Variants in CNOT7 observed in about 807,000 individuals in gnomAD.
CNOT7 encodes CCR4-NOT transcription complex subunit 7.
A neutral mutation model predicts 37.1 loss-of-function variants in CNOT7; 4 were observed. The ratio of observed to expected loss-of-function variants is 0.11; its 90% CI spans 0.05 to 0.25. The LOEUF is 0.25. CNOT7 is among the 10% of genes least tolerant of loss of function. The pLI, the probability that CNOT7 is intolerant of heterozygous loss-of-function variation, is 1.00. For synonymous variants in CNOT7, 128 were observed against 115.6 expected, an observed-to-expected ratio of 1.11 and a Z score of -0.69; for missense variants, 170 against 336.2, an observed-to-expected ratio of 0.51 and a Z score of 3.87.
chr8:17,243,243 AT>A, intron 2 of CNOT7, 58 bp from the exon 3 acceptor site: 2 of 1,347,236 alleles, frequency 1.5e-6, no homozygotes, highest in Non-Finnish European at 2.0e-6. Flanking sequence ...CAATCCACAC[AT>A]TTTTAATTTT....
chr8:17,231,562 A>T, intron 6 of CNOT7: 1 of 985,304 alleles, frequency 1.0e-6, no homozygotes, highest in Non-Finnish European at 1.2e-6. Flanking sequence ...ATTGCTACAA[A>T]AAGTTTTAAA....
chr8:17,227,768 A>G lies in CNOT7; in HGVS notation c.*2952T>C, dbSNP rs1808258012. ...TGCATTATAAACACAATGTACCAGCATATAATAAAATAGTCCATATTCCAA... is the reference window on the plus strand; with the variant it reads ...TGCATTATAAACACAATGTACCAGCGTATAATAAAATAGTCCATATTCCAA... On this transcript the variant is annotated 3_prime_UTR_variant, in exon 7 of 7. Transcript: ENST00000361272. The G allele has an allele frequency of 6.6e-6, 1 of 151,906 alleles. No individual in the cohort carries two copies. Among genetic ancestry groups the G allele is most frequent in the Non-Finnish European group, 1.5e-5 (1 of 67,808 alleles). The allele number at this position is 151,906 out of a possible 1,614,324, so 9.4% of individuals were successfully genotyped here.
Position 17,245,209 on chromosome 8 carries a change from G to T in CNOT7, c.-57C>A. On this transcript the variant is annotated 5_prime_UTR_variant, in exon 2 of 7. Transcript: ENST00000361272. Reference sequence around the variant, plus strand: ...CATCAAAATGTTATACTTGATTGAAGATTTGTTTCATAAAATATTTTATCC... The same window carrying T: ...CATCAAAATGTTATACTTGATTGAATATTTGTTTCATAAAATATTTTATCC... 1.3e-6 allele frequency: 2 copies of T among 1,514,482 alleles called. No homozygotes were observed. Among genetic ancestry groups the T allele is most frequent in the South Asian group, 1.3e-5 (1 of 79,140 alleles). 93.8% of individuals were successfully genotyped at this position (1,514,482 alleles called of 1,614,324 possible). A position where few individuals can be genotyped will look rare whatever the true frequency, so the allele number is the denominator to read the frequency against.
Position 17,226,978 on chromosome 8 carries a change from C to T in CNOT7, c.*3742G>A, listed in dbSNP as rs926136912. On this transcript the variant is annotated 3_prime_UTR_variant, in exon 7 of 7. Coordinates refer to ENST00000361272, the MANE Select transcript of CNOT7 (RefSeq NM_013354.7). Reference sequence around the variant, plus strand: ...GCTAAGCCATTGAACGCCTGTGTGGCAAATCAAATCAGGATATTCAGCTTC... The same window carrying T: ...GCTAAGCCATTGAACGCCTGTGTGGTAAATCAAATCAGGATATTCAGCTTC... 2 of 147,244 alleles carry T rather than the reference C, an allele frequency of 1.4e-5. No individual in the cohort carries two copies. Among genetic ancestry groups the T allele is most frequent in the Non-Finnish European group, 3.0e-5 (2 of 66,486 alleles). 9.1% of individuals were successfully genotyped at this position (147,244 alleles called of 1,614,324 possible).
At position 17,246,830 on chromosome 8, in the gene CNOT7, C is replaced by T. The variant is rs906092560; in HGVS notation, c.-251G>A. ...GGAAAGGCGAGCAGGAGCTGCGCCG[C>T]ACCGTGCTGCGCCGTCGCTTTTCGC... On this transcript the variant is annotated 5_prime_UTR_variant, in exon 1 of 7. Transcript: ENST00000361272. The T allele has an allele frequency of 3.9e-6, 1 of 258,822 alleles. No individual in the cohort carries two copies. The highest frequency in any genetic ancestry group is 2.4e-5 in the African/African-American group (1 of 42,244). 16.0% of individuals were successfully genotyped at this position (258,822 alleles called of 1,614,324 possible).
Position 17,230,320 on chromosome 8 carries a change from T to A in CNOT7, c.*400A>T, listed in dbSNP as rs1256251402. On this transcript the variant is annotated 3_prime_UTR_variant, in exon 7 of 7. Transcript: ENST00000361272. ...AAAACTGATGGTCCACGATCTCAAATAGCTAAAACTCCTGCAGAATGGAAG... is the reference window on the plus strand; with the variant it reads ...AAAACTGATGGTCCACGATCTCAAAAAGCTAAAACTCCTGCAGAATGGAAG... 6.5e-6 allele frequency: 1 copy of A among 153,276 alleles called. No homozygotes were observed. The highest frequency in any genetic ancestry group is 2.4e-5 in the African/African-American group (1 of 41,406). The allele number at this position is 153,276 out of a possible 1,614,324, so 9.5% of individuals were successfully genotyped here.
rs748674814 is a variant in CNOT7 at position 17,227,337 on chromosome 8, C to T, written c.*3383G>A. 3 of 151,802 alleles carry T rather than the reference C, an allele frequency of 2.0e-5. No individual in the cohort carries two copies. Among genetic ancestry groups the T allele is most frequent in the Non-Finnish European group, 4.4e-5 (3 of 67,778 alleles). The allele number at this position is 151,802 out of a possible 1,614,324, so 9.4% of individuals were successfully genotyped here. On this transcript the variant is annotated 3_prime_UTR_variant, in exon 7 of 7. Coordinates refer to ENST00000361272, the MANE Select transcript of CNOT7 (RefSeq NM_013354.7). ...TACAAATTCTTCGATCACTTCAAATCCAGCAATGGTTTCTCAAAAAATAAA... is the reference window on the plus strand; with the variant it reads ...TACAAATTCTTCGATCACTTCAAATTCAGCAATGGTTTCTCAAAAAATAAA...
intron 2 of CNOT7, chr8:17,244,353 T>C (rs1369338713): frequency 6.6e-6 from 1 of 152,238 alleles, no homozygotes; most frequent in Non-Finnish European, 1.5e-5. Flanking sequence ...CAACAACGTT[T>C]CACTGGCACA....
In CNOT7 at chr8:17,241,058, C is replaced by T. The variant is rs192648876; in HGVS notation, c.311+1934G>A. On this transcript the variant is annotated intron_variant, in intron 3 of 6. Transcript: ENST00000361272. The stretch of plus-strand genomic sequence containing the variant: ...ACTTTACAAGGTTCTGTAGACTGTG[C>T]GTGTGTGTATAGATACAGGTATTTT... 2.7e-3 allele frequency among the ~76,000 whole-genome samples: 409 copies of T among 152,240 alleles called. 3 individuals carry two copies. The highest frequency in any genetic ancestry group is 9.6e-3 in the African/African-American group (398 of 41,554).
rs763271326 is a variant in CNOT7, at chr8:17,225,057, A to C, written c.*5663T>G. ...ACAGTATTAATTTTTTAGAAAAACA[A>C]AACAGGTATATGGCATGAGTGAAAC... On this transcript the variant is annotated 3_prime_UTR_variant, in exon 7 of 7. Transcript: ENST00000361272. 2.0e-5 allele frequency: 3 copies of C among 151,734 alleles called. No individual in the cohort carries two copies. The highest frequency in any genetic ancestry group is 4.8e-5 in the African/African-American group (2 of 41,418). 9.4% of individuals were successfully genotyped at this position (151,734 alleles called of 1,614,324 possible).
intron 6 of CNOT7, chr8:17,231,937 T>C (rs562057647): frequency 3.0e-6 from 3 of 987,360 alleles, no homozygotes; most frequent in East Asian, 2.3e-4. Context: ...GCCTGAGTTC[T>C]TCTCTATAAA....
At chr8:17,238,241 A>G (rs750091582) in intron 3 of CNOT7, among the ~76,000 whole-genome samples, 1 of 152,220 alleles carries the variant, frequency 6.6e-6, no homozygotes, top group Non-Finnish European at 1.5e-5. Context: ...TACTTTTTAA[A>G]TTGTAAGAAT....
rs766862676 is a variant in CNOT7 at position 17,228,923 on chromosome 8, AT to A, written c.*1796del. On this transcript the variant is annotated 3_prime_UTR_variant, in exon 7 of 7. Transcript: ENST00000361272. ...TTAGAAACTTACTACATTGTGTTAG[AT>A]TTTTTAAAAAGCCACAGTTATACCA... The A allele has an allele frequency of 2.6e-5, 4 of 151,948 alleles. No individual in the cohort carries two copies. The highest frequency in any genetic ancestry group is 4.8e-5 in the African/African-American group (2 of 41,444). 9.4% of individuals were successfully genotyped at this position (151,948 alleles called of 1,614,324 possible).
chr8:17,232,116 T>C (rs1585779289), intron 6 of CNOT7: 2 of 1,041,194 alleles, frequency 1.9e-6, no homozygotes, highest in East Asian at 1.4e-4. Context: ...TAGTAATGTG[T>C]TTAATCATGG....
intron 1 of CNOT7, among the ~76,000 whole-genome samples, chr8:17,245,624 T>C (rs1365545300): frequency 6.6e-6 from 1 of 152,216 alleles, no homozygotes; most frequent in Non-Finnish European, 1.5e-5. Flanking sequence ...GATGTTACCA[T>C]GGCAAAGATG....
intron 3 of CNOT7, among the ~76,000 whole-genome samples, chr8:17,239,057 T>C (rs1303295423): frequency 6.6e-6 from 1 of 152,190 alleles, no homozygotes; most frequent in African/African-American, 2.4e-5. Flanking sequence ...CACTATTCTG[T>C]TGATTCTGCT....
At chr8:17,235,591 G>A (rs1193648276) in intron 4 of CNOT7, among the ~76,000 whole-genome samples, 2 of 151,918 alleles carry the variant, frequency 1.3e-5, no homozygotes, top group East Asian at 1.9e-4. Flanking sequence ...CCGGCCTTTC[G>A]CACAGCTTTC....
At chr8:17,237,421 A>C (rs79864179) in intron 3 of CNOT7, 48 bp from the exon 4 acceptor site, 1 of 1,574,472 alleles carries the variant, frequency 6.4e-7, no homozygotes, top group Admixed American at 1.7e-5. Flanking sequence ...CATTACTTCA[A>C]ACAAGCTGTT....
intron 3 of CNOT7, among the ~76,000 whole-genome samples, chr8:17,240,858 T>C (rs1810062871): frequency 6.6e-6 from 1 of 152,198 alleles, no homozygotes; most frequent in East Asian, 1.9e-4. Flanking sequence ...CCTTTATAAA[T>C]GAGGTGTTCA....
Sources: allele counts gnomAD v4.1 joint callset (sites outside exome capture counted in the v4.1 genomes callset), GRCh38; gene constraint gnomAD v4.1.1; transcripts MANE v1.5; gene names NCBI Gene and HGNC (gene_info 2026-07-23, HGNC 2026-07-21).